Variants in POLN observed in about 807,000 individuals in gnomAD.
The protein encoded by POLN is DNA polymerase nu.
In POLN, 108 loss-of-function variants were observed where a neutral mutation model predicts 113.5. The ratio of observed to expected loss-of-function variants is 0.95; its 90% CI spans 0.81 to 1.12. The LOEUF (loss-of-function observed/expected upper bound fraction) is 1.12, where lower values mean the gene tolerates loss of function less well. Ranked by LOEUF, POLN falls within the 50% of genes most tolerant of loss-of-function variation. POLN has a pLI of 0.00. For synonymous variants in POLN, 386 were observed against 391.5 expected (o/e 0.99, Z 0.17); for missense variants, 1,097 against 1,077.1 (o/e 1.02, Z -0.26).
chr4:2,217,524 C>T (rs1227007453), intron 3 of POLN, among the ~76,000 whole-genome samples: 1 of 152,388 alleles, frequency 6.6e-6, no homozygotes, highest in African/African-American at 2.4e-5. Context: ...CTCAGTGGGT[C>T]TGACAGAACC....
At position 2,097,374 on chromosome 4, in the gene POLN, A is replaced by G. The variant is rs1299937190; in HGVS notation, c.1983-1441T>C. The stretch of plus-strand genomic sequence containing the variant: ...CCTACCATTTTTTTTTTTTTGAGAC[A>G]GAGTCTTACTCTGTCACCCAGGCTG... On this transcript the variant is annotated intron_variant, in intron 19 of 25. Coordinates refer to ENST00000511885, the MANE Select transcript of POLN (RefSeq NM_181808.4). 2.1e-5 allele frequency among the ~76,000 whole-genome samples: 3 copies of G among 141,942 alleles called. No individual in the cohort carries two copies. The East Asian group carries it at 6.3e-4, about 30-fold the overall frequency. The allele number at this position is 141,942 out of a possible 152,430, so 93.1% of individuals were successfully genotyped here. A position where few individuals can be genotyped will look rare whatever the true frequency, so the allele number is the denominator to read the frequency against.
Position 2,127,081 on chromosome 4 carries a change from G to A in POLN, c.1982+1032C>T, listed in dbSNP as rs979222429. On this transcript the variant is annotated intron_variant, in intron 19 of 25. Coordinates refer to ENST00000511885, the MANE Select transcript of POLN (RefSeq NM_181808.4). This position sits in a 1 kb window ranked among gnomAD's most constrained non-coding sequence, Gnocchi z 4.7. ...CCCAGGTGCTGGGCAGCCTTTCTGT[G>A]TGACATCGTGAGGGTGAACAGGTGG... is the stretch of plus-strand genomic sequence containing the variant. 6.6e-6 allele frequency among the ~76,000 whole-genome samples: 1 copy of A among 151,774 alleles called. No homozygotes were observed. Among genetic ancestry groups the A allele is most frequent in the Admixed American group, 6.6e-5 (1 of 15,266 alleles).
chr4:2,087,633 A>T (rs6850638), intron 20 of POLN, among the ~76,000 whole-genome samples: 128,105 of 152,178 alleles, frequency 0.84, 54,491 homozygotes, highest in Non-Finnish European at 0.9. Flanking sequence ...TGAGCTTAGT[A>T]ATTAATAGAA....
chr4:2,095,346 T>C (rs554272131), intron 20 of POLN, among the ~76,000 whole-genome samples: 2 of 152,288 alleles, frequency 1.3e-5, no homozygotes, highest in East Asian at 1.9e-4. Flanking sequence ...ACCCCTGAGA[T>C]TGGACCCCTA....
intron 3 of POLN, among the ~76,000 whole-genome samples, chr4:2,219,887 C>T (rs1734214120): frequency 6.6e-6 from 1 of 152,186 alleles, no homozygotes; most frequent in South Asian, 2.1e-4. Context: ...ATCGGGTTGT[C>T]AAATCCAGTG....
chr4:2,117,314 G>A (rs1413630644), intron 19 of POLN, among the ~76,000 whole-genome samples: 2 of 152,242 alleles, frequency 1.3e-5, no homozygotes, highest in Non-Finnish European at 2.9e-5. Context: ...TCTTCATTTA[G>A]GGAGGGGTAA....
chr4:2,136,053 T>C (rs115093620), intron 16 of POLN, among the ~76,000 whole-genome samples: 212 of 152,320 alleles, frequency 1.4e-3, no homozygotes, highest in African/African-American at 4.8e-3. Context: ...AATCATGTTA[T>C]TTACATTACA....
At chr4:2,092,793 C>G (rs755110112) in intron 20 of POLN, among the ~76,000 whole-genome samples, 1 of 152,252 alleles carries the variant, frequency 6.6e-6, no homozygotes, top group African/African-American at 2.4e-5. Context: ...CAAAGCTCCT[C>G]TATGGAGTTT....
chr4:2,220,240 T>A (rs1002879623), intron 3 of POLN, among the ~76,000 whole-genome samples: 3 of 152,216 alleles, frequency 2.0e-5, no homozygotes, highest in African/African-American at 7.2e-5. Flanking sequence ...AGGCCTCTGC[T>A]GTGCTTTGCT....
rs367714415 is a variant in POLN at position 2,116,918 on chromosome 4, A to G, written c.1982+11195T>C. 4.6e-5 allele frequency among the ~76,000 whole-genome samples: 7 copies of G among 152,258 alleles called. No homozygotes were observed. The East Asian group carries it at 1.3e-3, about 29-fold the overall frequency. ...CAAAACTCTTTAATGAAGCAGACAG[A>G]AAGTGGGATTTGATTTCATTTTTAA... is the stretch of plus-strand genomic sequence containing the variant. On this transcript the variant is annotated intron_variant, in intron 19 of 25. Transcript: ENST00000511885.
rs144516645 is a variant in POLN, at chr4:2,176,130, A to G, written c.1248+136T>C. 6.2e-4 allele frequency: 450 copies of G among 731,500 alleles called. 1 individual carries two copies. The highest frequency in any genetic ancestry group is 4.3e-3 in the African/African-American group (236 of 55,006). 45.3% of individuals were successfully genotyped at this position (731,500 alleles called of 1,614,324 possible). Reference sequence around the variant, plus strand: ...CATTCTAGACAACCCTTTTCTGAGTAATGCACAGGTTAATTTGTTCTTAGA... The same window carrying G: ...CATTCTAGACAACCCTTTTCTGAGTGATGCACAGGTTAATTTGTTCTTAGA... On this transcript the variant is annotated intron_variant, in intron 9 of 25. Transcript: ENST00000511885.
intron 5 of POLN, among the ~76,000 whole-genome samples, chr4:2,205,401 A>G (rs1733817740): frequency 6.6e-6 from 1 of 152,234 alleles, no homozygotes; most frequent in Non-Finnish European, 1.5e-5. Flanking sequence ...AGACCTCTGC[A>G]TGGAAAACTC....
In POLN at chr4:2,228,955, A is replaced by C. The variant is rs76592500; in HGVS notation, c.133+144T>G. 793 of 652,190 alleles carry C rather than the reference A, an allele frequency of 1.2e-3. 7 individuals carry two copies. In the African/African-American group the frequency reaches 0.014, roughly 11 times the overall value. The allele number at this position is 652,190 out of a possible 1,614,324, so 40.4% of individuals were successfully genotyped here. On this transcript the variant is annotated intron_variant, in intron 3 of 25. Coordinates refer to ENST00000511885, the MANE Select transcript of POLN (RefSeq NM_181808.4). ...AGGGAACACGAAAGTTAGCAAGCAGAAGCTCAGTCTGCACTGAATGAGTGT... is the reference window on the plus strand; with the variant it reads ...AGGGAACACGAAAGTTAGCAAGCAGCAGCTCAGTCTGCACTGAATGAGTGT...
At chr4:2,237,883 C>G (rs1734822004) in intron 2 of POLN, among the ~76,000 whole-genome samples, 1 of 152,130 alleles carries the variant, frequency 6.6e-6, no homozygotes, top group African/African-American at 2.4e-5. Context: ...AATCCCAAAG[C>G]TGCCAATTAG....
intron 22 of POLN, 142 bp from the exon 23 acceptor site, chr4:2,081,178 A>G (rs1407625267): frequency 6.3e-7 from 1 of 1,592,520 alleles, no homozygotes; most frequent in Non-Finnish European, 8.5e-7. Context: ...AGGGCCACAG[A>G]TGACTGCAGG....
chr4:2,237,167 C>A (rs1406011149), intron 2 of POLN, among the ~76,000 whole-genome samples: 5 of 151,984 alleles, frequency 3.3e-5, no homozygotes, highest in African/African-American at 1.2e-4. Context: ...GTAGAAACAA[C>A]AGGCTATGGC....
In POLN at chr4:2,156,801, G is replaced by GA. The variant is rs1413829583; in HGVS notation, c.1717dup (p.Ser573PhefsTer6). 6.2e-7 allele frequency: 1 copy of GA among 1,612,850 alleles called. No homozygotes were observed. The highest frequency in any genetic ancestry group is 1.7e-5 in the Admixed American group (1 of 60,022). On this transcript the variant is annotated frameshift_variant, in exon 16 of 26. Coordinates refer to ENST00000511885, the MANE Select transcript of POLN (RefSeq NM_181808.4). LOFTEE classifies it high-confidence loss of function. ...TAAACAACTTACAGGATGCTTGGCT[G>GA]AAAGTCTTCCAGTCACAGTTCCAGT... is the stretch of plus-strand genomic sequence containing the variant.
chr4:2,088,681 G>A (rs3135059), intron 20 of POLN: 8 of 860,150 alleles, frequency 9.3e-6, no homozygotes, highest in East Asian at 6.0e-5. Flanking sequence ...ATAAAAAGCT[G>A]TACAACAGCC....
At chr4:2,110,506 G>A (rs1188033005) in intron 19 of POLN, among the ~76,000 whole-genome samples, 7 of 152,070 alleles carry the variant, frequency 4.6e-5, no homozygotes, top group Non-Finnish European at 7.3e-5. Context: ...GACTAATAAA[G>A]AAGAAAAGAG....
Sources: gnomAD v4.1 joint callset for allele counts (sites outside exome capture counted in the v4.1 genomes callset) on GRCh38, gnomAD v4.1.1 for gene constraint, Gnocchi (gnomAD v3.1) non-coding constraint, MANE v1.5 for transcripts, NCBI Gene and HGNC (gene_info 2026-07-23, HGNC 2026-07-21) for gene names.